NHS: variants seen among roughly 807,000 people sequenced by gnomAD.
The protein encoded by NHS is actin remodeling regulator NHS.
Under a neutral mutation model 72.5 loss-of-function variants are expected in NHS, and 5 were observed. The observed-to-expected ratio is 0.07, with a 90% CI of 0.04 to 0.14. The LOEUF (loss-of-function observed/expected upper bound fraction) is 0.14. Ranked by LOEUF, NHS falls within the 10% of genes least tolerant of loss-of-function variation. NHS has a pLI of 1.00. For synonymous variants in NHS, 464 were observed against 547.7 expected (o/e 0.85, Z 2.13); for missense variants, 1,072 against 1,355.7 (o/e 0.79, Z 3.29).
At chrX:17,447,286 A>G (rs981380749) in intron 1 of NHS, among the ~76,000 whole-genome samples, 2 of 112,250 alleles carry the variant, frequency 1.8e-5, no homozygotes, top group African/African-American at 3.2e-5. Flanking sequence ...CCCAAAATCA[A>G]ATTGTGTCTG....
chrX:17,633,163 A>G (rs371285741), intron 1 of NHS, among the ~76,000 whole-genome samples: 80 of 111,955 alleles, frequency 7.1e-4, no homozygotes, highest in African/African-American at 2.4e-3. Context: ...AGAATGAGTA[A>G]TAATCTACTC....
chrX:17,400,330 G>A (rs1168782991), intron 1 of NHS, among the ~76,000 whole-genome samples: 7 of 112,154 alleles, frequency 6.2e-5, no homozygotes, highest in Non-Finnish European at 1.3e-4. Context: ...GCTCATGCCT[G>A]TAATCCCAGC....
At chrX:17,495,623 A>G (rs983282258) in intron 1 of NHS, among the ~76,000 whole-genome samples, 3 of 111,897 alleles carry the variant, frequency 2.7e-5, no homozygotes, top group Admixed American at 9.5e-5. Context: ...CAGCCTGAAG[A>G]TAAGGATATG....
intron 1 of NHS, among the ~76,000 whole-genome samples, chrX:17,674,668 C>A (rs1192257408): frequency 8.9e-6 from 1 of 111,814 alleles, no homozygotes; most frequent in Non-Finnish European, 1.9e-5. Flanking sequence ...CCATCATAGG[C>A]TCTGGATTCA....
chrX:17,642,617 A>C (rs2065887432), intron 1 of NHS, among the ~76,000 whole-genome samples: 1 of 112,073 alleles, frequency 8.9e-6, no homozygotes, highest in Non-Finnish European at 1.9e-5. Flanking sequence ...CCAAGTATCA[A>C]AAGATTTTTT....
chrX:17,609,500 C>G (rs2065698332), intron 1 of NHS, among the ~76,000 whole-genome samples: 1 of 111,664 alleles, frequency 9.0e-6, no homozygotes, highest in Non-Finnish European at 1.9e-5. Flanking sequence ...GAAGTCCAAC[C>G]AGAGATAAAG....
intron 1 of NHS, among the ~76,000 whole-genome samples, chrX:17,468,029 G>A (rs938631910): frequency 9.0e-6 from 1 of 110,968 alleles, no homozygotes; most frequent in Non-Finnish European, 1.9e-5. Flanking sequence ...CCAGGGATTT[G>A]GGAATGGGCT....
intron 3 of NHS, among the ~76,000 whole-genome samples, chrX:17,714,402 C>T (rs2066352980): frequency 9.0e-6 from 1 of 111,515 alleles, no homozygotes; most frequent in East Asian, 2.8e-4. Context: ...TTCACTGCCA[C>T]TCTTGTACTG....
intron 1 of NHS, among the ~76,000 whole-genome samples, chrX:17,592,396 T>C (rs2065606767): frequency 1.8e-5 from 2 of 111,929 alleles, no homozygotes; most frequent in African/African-American, 6.5e-5. Context: ...ACCCCCTGGG[T>C]ATTCTAGAAT....
intron 1 of NHS, among the ~76,000 whole-genome samples, chrX:17,511,533 T>A (rs1053434243): frequency 1.8e-5 from 2 of 111,769 alleles, no homozygotes; most frequent in South Asian, 7.7e-4. Flanking sequence ...TCTTAGGCCC[T>A]TCCTCTAGAG....
chrX:17,514,819 A>AG (rs1182533497), intron 1 of NHS, among the ~76,000 whole-genome samples: 1 of 111,750 alleles, frequency 8.9e-6, no homozygotes, highest in East Asian at 2.8e-4. Context: ...CTGCACTTAT[A>AG]GGGCTGTTTC....
In NHS at chrX:17,728,729, C is replaced by G; in HGVS notation, c.4303C>G (p.Pro1435Ala). The G allele has an allele frequency of 8.3e-7, 1 of 1,211,206 alleles. No homozygotes were observed. The highest frequency in any genetic ancestry group is 1.1e-6 in the Non-Finnish European group (1 of 895,224). Reference protein sequence around the residue: ...QAEAEGVFVSPNKPRTTEDLF... With the variant: ...QAEAEGVFVSANKPRTTEDLF... ...TGAAGCAGAGGGTGTGTTCGTGTCT[C>G]CAAACAAACCTCGAACAACTGAGGA... The change falls in exon 8 of 9, where the codon CCA becomes GCA. Residue 1435 changes from proline (P) to alanine (A), a missense_variant. Coordinates refer to ENST00000676302, the MANE Select transcript of NHS (RefSeq NM_001291867.2).
At chrX:17,410,557 T>C (rs1407438849) in intron 1 of NHS, among the ~76,000 whole-genome samples, 1 of 97,911 alleles carries the variant, frequency 1.0e-5, no homozygotes, top group Admixed American at 1.2e-4. Flanking sequence ...AGAACACCAG[T>C]GAGTAAAGAA....
At chrX:17,669,038 G>A (rs2066028795) in intron 1 of NHS, among the ~76,000 whole-genome samples, 1 of 112,081 alleles carries the variant, frequency 8.9e-6, no homozygotes, top group African/African-American at 3.2e-5. Context: ...AATGCTGAAG[G>A]CACATTGGCA....
At chrX:17,545,066 C>T (rs1331650159) in intron 1 of NHS, among the ~76,000 whole-genome samples, 1 of 112,211 alleles carries the variant, frequency 8.9e-6, no homozygotes, top group East Asian at 2.8e-4. Flanking sequence ...TGGGCAGGGA[C>T]CTGCTGTCAG....
intron 3 of NHS, among the ~76,000 whole-genome samples, chrX:17,694,561 T>C: frequency 8.9e-6 from 1 of 112,349 alleles, no homozygotes; most frequent in Admixed American, 9.4e-5. Context: ...TATTGTACTG[T>C]ACCTTGGTCA....
chrX:17,624,886 C>A (rs2065790401), intron 1 of NHS, among the ~76,000 whole-genome samples: 1 of 112,108 alleles, frequency 8.9e-6, no homozygotes, highest in African/African-American at 3.2e-5. Flanking sequence ...CGCTACCAAG[C>A]CCCTCTAGAA....
chrX:17,458,562 G>A (rs953513067), intron 1 of NHS, among the ~76,000 whole-genome samples: 8 of 110,645 alleles, frequency 7.2e-5, no homozygotes, highest in Non-Finnish European at 9.5e-5. Context: ...GCTTGATATC[G>A]GCTCACTGCA....
At chrX:17,687,985 C>A in intron 2 of NHS, 91 bp downstream of exon 2, 1 of 995,542 alleles carries the variant, frequency 1.0e-6, no homozygotes, top group Non-Finnish European at 1.4e-6. Flanking sequence ...CCCAACACAC[C>A]CCCTTATTAT....
Sources: allele counts gnomAD v4.1 joint callset (sites outside exome capture counted in the v4.1 genomes callset), GRCh38; gene constraint gnomAD v4.1.1; transcripts MANE v1.5; gene names NCBI Gene and HGNC (gene_info 2026-07-23, HGNC 2026-07-21).